Variants in CNTNAP2 observed in about 807,000 individuals in gnomAD.
The protein encoded by CNTNAP2 is contactin-associated protein-like 2.
Under a neutral mutation model 155.2 loss-of-function variants are expected in CNTNAP2, and 98 were observed. That is an observed-to-expected ratio of 0.63 (90% CI 0.54 to 0.75). CNTNAP2 has a LOEUF of 0.75. Among genes scored for constraint, CNTNAP2 ranks in the 30% least tolerant of loss-of-function variants. CNTNAP2 has a pLI of 0.00. For synonymous variants in CNTNAP2, 651 were observed against 631.2 expected (o/e 1.03, Z -0.47); for missense variants, 1,727 against 1,688.1 (o/e 1.02, Z -0.40).
At chr7:146,531,251 A>G (rs1284273369) in intron 1 of CNTNAP2, among the ~76,000 whole-genome samples, 3 of 152,150 alleles carry the variant, frequency 2.0e-5, no homozygotes, top group Non-Finnish European at 2.9e-5. Flanking sequence ...ATAAGGATTT[A>G]AAAACTACCT....
intron 2 of CNTNAP2, among the ~76,000 whole-genome samples, chr7:146,779,815 C>T (rs1802451508): frequency 6.6e-6 from 1 of 152,132 alleles, no homozygotes; most frequent in East Asian, 1.9e-4. Flanking sequence ...ATTAGTTTTC[C>T]TCTATTTCCT....
Position 148,256,925 on chromosome 7 carries a change from G to A in CNTNAP2, c.3382-10108G>A, listed in dbSNP as rs77696381. Among the ~76,000 whole-genome samples, 1,428 of 152,272 alleles carry A rather than the reference G, an allele frequency of 9.4e-3. 23 individuals carry two copies. Among genetic ancestry groups the A allele is most frequent in the African/African-American group, 0.033 (1,357 of 41,540 alleles). On this transcript the variant is annotated intron_variant, in intron 20 of 23. Coordinates refer to ENST00000361727, the MANE Select transcript of CNTNAP2 (RefSeq NM_014141.6). The stretch of plus-strand genomic sequence containing the variant: ...ATTAATTAAGTCAAAGTCCTCCAAC[G>A]TGGTTGAGCCCAGCTGGGGACTGGT...
chr7:146,727,600 A>G (rs75883567), intron 1 of CNTNAP2, among the ~76,000 whole-genome samples: 1,908 of 152,210 alleles, frequency 0.013, 39 homozygotes, highest in African/African-American at 0.044. Context: ...ATGTTTCCCA[A>G]TTGCCGGCAA....
intron 11 of CNTNAP2, among the ~76,000 whole-genome samples, chr7:147,492,611 C>A (rs959467234): frequency 3.3e-5 from 5 of 152,164 alleles, no homozygotes; most frequent in African/African-American, 1.2e-4. Context: ...TGATGTCAAA[C>A]CATCAGATCC....
chr7:146,915,603 A>G (rs1042887631), intron 3 of CNTNAP2, among the ~76,000 whole-genome samples: 2 of 151,878 alleles, frequency 1.3e-5, no homozygotes, highest in African/African-American at 4.8e-5. Flanking sequence ...AAAGGAGTTG[A>G]GTTCTTGATT....
chr7:147,272,112 C>T lies in CNTNAP2; in HGVS notation c.1349-28029C>T, dbSNP rs372700818. ...CTCACCATGTTGGCCAGGCTGCTCT[C>T]GAACTCCTGACTTCAGGTAATCTGC... On this transcript the variant is annotated intron_variant, in intron 8 of 23. Transcript: ENST00000361727. Among the ~76,000 whole-genome samples, 10 of 152,132 alleles carry T rather than the reference C, an allele frequency of 6.6e-5. No homozygotes were observed. The East Asian group carries it at 1.4e-3, about 21-fold the overall frequency.
chr7:146,198,231 C>G (rs1403848646), intron 1 of CNTNAP2, among the ~76,000 whole-genome samples: 1 of 152,094 alleles, frequency 6.6e-6, no homozygotes, highest in Non-Finnish European at 1.5e-5. Context: ...GAAATATACC[C>G]CATTTTGGTA....
intron 1 of CNTNAP2, among the ~76,000 whole-genome samples, chr7:146,731,037 T>G (rs1322572824): frequency 6.6e-6 from 1 of 152,194 alleles, no homozygotes; most frequent in African/African-American, 2.4e-5. Context: ...TGAGGTGATT[T>G]AAGAGGCCAT....
At chr7:147,920,540 T>C (rs1800256696) in intron 14 of CNTNAP2, among the ~76,000 whole-genome samples, 1 of 152,082 alleles carries the variant, frequency 6.6e-6, no homozygotes, top group East Asian at 1.9e-4. Flanking sequence ...CTACCTGTGA[T>C]CAGGTCTCCT....
intron 3 of CNTNAP2, among the ~76,000 whole-genome samples, chr7:146,932,954 A>C (rs978375930): frequency 6.6e-6 from 1 of 152,194 alleles, no homozygotes; most frequent in Admixed American, 6.5e-5. Flanking sequence ...AAAGAAATGG[A>C]AGAACATTCC....
intron 9 of CNTNAP2, among the ~76,000 whole-genome samples, chr7:147,377,136 TC>T (rs35904580): frequency 6.7e-6 from 1 of 149,824 alleles, no homozygotes; most frequent in Non-Finnish European, 1.5e-5. Context: ...TTCCTTCTTC[TC>T]CCCCCCCTTT....
intron 1 of CNTNAP2, among the ~76,000 whole-genome samples, chr7:146,762,256 T>C (rs1269256732): frequency 6.6e-6 from 1 of 152,140 alleles, no homozygotes; most frequent in Non-Finnish European, 1.5e-5. Flanking sequence ...AAATATCACA[T>C]TTTGTCTTGT....
intron 15 of CNTNAP2, among the ~76,000 whole-genome samples, chr7:148,072,235 T>A (rs1173866596): frequency 6.6e-6 from 1 of 152,216 alleles, no homozygotes; most frequent in East Asian, 1.9e-4. Flanking sequence ...CTAAAGTCTA[T>A]CCTACCACCT....
At chr7:148,404,428 T>C (rs1468230310) in intron 22 of CNTNAP2, among the ~76,000 whole-genome samples, 2 of 152,152 alleles carry the variant, frequency 1.3e-5, no homozygotes, top group Non-Finnish European at 2.9e-5. Context: ...AGAGAAAAGG[T>C]GTGTCAACTG....
intron 13 of CNTNAP2, among the ~76,000 whole-genome samples, chr7:147,668,836 G>T (rs118089518): frequency 6.6e-6 from 1 of 151,992 alleles, no homozygotes; most frequent in Non-Finnish European, 1.5e-5. Context: ...AGTGCTTCTG[G>T]CATCTACAGT....
chr7:147,501,406 A>G (rs1798809227), intron 11 of CNTNAP2, among the ~76,000 whole-genome samples: 1 of 152,100 alleles, frequency 6.6e-6, no homozygotes, highest in South Asian at 2.1e-4. Flanking sequence ...GAAGAAGAAA[A>G]AAACACATCC....
Position 147,053,559 on chromosome 7 carries a change from C to T in CNTNAP2, c.550+9505C>T, listed in dbSNP as rs115470656. Among the ~76,000 whole-genome samples the T allele has an allele frequency of 3.6e-3, 548 of 152,060 alleles. 8 individuals are homozygous for T. Among genetic ancestry groups the T allele is most frequent in the Middle Eastern group, 0.014 (4 of 292 alleles). On this transcript the variant is annotated intron_variant, in intron 4 of 23. Coordinates refer to ENST00000361727, the MANE Select transcript of CNTNAP2 (RefSeq NM_014141.6). ...ATTTAAATTTACTCTCAAGAACTTT[C>T]AAAGTTAAACTGACATATAAAATCA...
At chr7:147,367,937 G>C (rs528756366) in intron 9 of CNTNAP2, among the ~76,000 whole-genome samples, 1 of 151,808 alleles carries the variant, frequency 6.6e-6, no homozygotes, top group South Asian at 2.1e-4. Context: ...TCCAGGCATG[G>C]TTGATCTCAC....
At chr7:146,339,142 T>C (rs922593949) in intron 1 of CNTNAP2, among the ~76,000 whole-genome samples, 12 of 152,062 alleles carry the variant, frequency 7.9e-5, no homozygotes, top group African/African-American at 2.7e-4. Context: ...AGTCATTATC[T>C]CTCTCTTCTT....
Sources: gnomAD v4.1 joint callset for allele counts (sites outside exome capture counted in the v4.1 genomes callset) on GRCh38, gnomAD v4.1.1 for gene constraint, MANE v1.5 for transcripts, NCBI Gene and HGNC (gene_info 2026-07-23, HGNC 2026-07-21) for gene names.